The following HTR1E variants were observed in gnomAD, a reference collection of about 807,000 sequenced individuals.
HTR1E encodes 5-hydroxytryptamine receptor 1E.
HTR1E carries 3 observed loss-of-function variants against 3.4 expected under a neutral mutation model. The observed-to-expected ratio is 0.89, with a 90% CI of 0.41 to 2.31. The LOEUF is 2.31. Ranked by LOEUF, HTR1E falls within the 30% of genes most tolerant of loss-of-function variation. The probability of loss-of-function intolerance (pLI) is 0.05; values close to 1 mark genes in which losing one functional copy is unlikely to be tolerated. For synonymous variants in HTR1E, 170 were observed against 182.8 expected, an observed-to-expected ratio of 0.93 and a Z score of 0.56; for missense variants, 392 against 467.0, an observed-to-expected ratio of 0.84 and a Z score of 1.48.
At chr6:86,957,821 C>A (rs796365778) in intron 1 of HTR1E, among the ~76,000 whole-genome samples, 16 of 152,236 alleles carry the variant, frequency 1.1e-4, no homozygotes, top group African/African-American at 3.9e-4. Flanking sequence ...ATATCGAGAT[C>A]TCATGTGCAT....
At chr6:86,964,610 C>T (rs1767450805) in intron 1 of HTR1E, among the ~76,000 whole-genome samples, 1 of 152,172 alleles carries the variant, frequency 6.6e-6, no homozygotes, top group African/African-American at 2.4e-5. Context: ...CTCTTTATAA[C>T]AGTAAAGTTG....
chr6:86,986,419 T>C (rs1767788534), intron 1 of HTR1E, among the ~76,000 whole-genome samples: 1 of 152,200 alleles, frequency 6.6e-6, no homozygotes, highest in African/African-American at 2.4e-5. Flanking sequence ...TGAAATTAGA[T>C]TTCACGAAGA....
intron 1 of HTR1E, among the ~76,000 whole-genome samples, chr6:86,969,390 G>T (rs201784170): frequency 6.6e-6 from 1 of 151,946 alleles, no homozygotes; most frequent in East Asian, 1.9e-4. Flanking sequence ...CTGCCCTCCT[G>T]ATAAAGTTCA....
chr6:86,976,167 G>A (rs1029908409), intron 1 of HTR1E, among the ~76,000 whole-genome samples: 6 of 152,064 alleles, frequency 3.9e-5, no homozygotes, highest in Admixed American at 1.3e-4. Context: ...GGAGAGGGAT[G>A]AGTAAATAAG....
At chr6:86,963,385 T>C (rs1767434052) in intron 1 of HTR1E, among the ~76,000 whole-genome samples, 1 of 152,200 alleles carries the variant, frequency 6.6e-6, no homozygotes, top group Non-Finnish European at 1.5e-5. Flanking sequence ...TAAAAAAATT[T>C]AAATACTTAT....
At chr6:87,011,518 G>A (rs1221682540) in intron 1 of HTR1E, among the ~76,000 whole-genome samples, 1 of 152,160 alleles carries the variant, frequency 6.6e-6, no homozygotes, top group East Asian at 1.9e-4. Context: ...TGGTTGAGAC[G>A]TTATATAATA....
chr6:86,955,770 G>T lies in HTR1E; in HGVS notation c.-186+17947G>T, dbSNP rs1479852707. Among the ~76,000 whole-genome samples, 4 of 152,046 alleles carry T rather than the reference G, an allele frequency of 2.6e-5. No homozygotes were observed. The East Asian group carries it at 7.7e-4, about 29-fold the overall frequency. On this transcript the variant is annotated intron_variant, in intron 1 of 1. Coordinates refer to ENST00000305344, the MANE Select transcript of HTR1E (RefSeq NM_000865.3). ...TATGTATGTGTGTTCCAAAGGAAAC[G>T]TATTTTAAAATGAAATACATTTTAA... is the stretch of plus-strand genomic sequence containing the variant.
chr6:86,946,868 G>A (rs906158848), intron 1 of HTR1E, among the ~76,000 whole-genome samples: 1 of 152,136 alleles, frequency 6.6e-6, no homozygotes, highest in African/African-American at 2.4e-5. Flanking sequence ...TGTAATCCCA[G>A]TACTTTGGGA....
rs115354328 is a variant in HTR1E, at chr6:87,001,153, T to C, written c.-185-13997T>C. Among the ~76,000 whole-genome samples, 341 of 151,508 alleles carry C rather than the reference T, an allele frequency of 2.3e-3. 5 individuals carry two copies. The highest frequency in any genetic ancestry group is 8.0e-3 in the African/African-American group (329 of 41,240). ...TGGTAACCAAAAATCAAAAAATATA[T>C]AACAAAGACACAAAAAAGAAAACAC... On this transcript the variant is annotated intron_variant, in intron 1 of 1. Transcript: ENST00000305344.
intron 1 of HTR1E, among the ~76,000 whole-genome samples, chr6:86,999,129 TTTTTTA>T (rs891066543): frequency 6.6e-6 from 1 of 152,052 alleles, no homozygotes; most frequent in African/African-American, 2.4e-5. Flanking sequence ...CAGGCTAATT[TTTTTTA>T]TTTTTAAGTA....
At chr6:86,971,509 A>G (rs1582266477) in intron 1 of HTR1E, among the ~76,000 whole-genome samples, 2 of 152,248 alleles carry the variant, frequency 1.3e-5, no homozygotes, top group East Asian at 1.9e-4. Context: ...AATTGTGGAT[A>G]ATCAAAAGTC....
intron 1 of HTR1E, among the ~76,000 whole-genome samples, chr6:87,012,668 A>AC (rs766700202): frequency 6.6e-6 from 1 of 152,232 alleles, no homozygotes; most frequent in East Asian, 1.9e-4. Context: ...TGCAAAAATC[A>AC]CTGGGAAAAT....
At chr6:86,964,110 A>G (rs1037088745) in intron 1 of HTR1E, among the ~76,000 whole-genome samples, 1 of 152,202 alleles carries the variant, frequency 6.6e-6, no homozygotes, top group Admixed American at 6.5e-5. Context: ...GAGCAACGGT[A>G]TGCTAGGGAA....
chr6:86,945,072 C>T (rs1007851932), intron 1 of HTR1E, among the ~76,000 whole-genome samples: 1 of 151,854 alleles, frequency 6.6e-6, no homozygotes, highest in Non-Finnish European at 1.5e-5. Context: ...CAGGCAGGTC[C>T]TTCAGAAGGT....
intron 1 of HTR1E, among the ~76,000 whole-genome samples, chr6:86,949,221 C>G (rs1767182646): frequency 6.6e-6 from 1 of 152,206 alleles, no homozygotes. Flanking sequence ...CCCCAGTCAG[C>G]TTCCCTACCT....
intron 1 of HTR1E, among the ~76,000 whole-genome samples, chr6:86,977,498 G>A (rs1767654532): frequency 6.6e-6 from 1 of 152,098 alleles, no homozygotes; most frequent in Non-Finnish European, 1.5e-5. Context: ...GAACATATGA[G>A]TGCATGCATC....
chr6:86,986,364 C>A (rs1385857941), intron 1 of HTR1E, among the ~76,000 whole-genome samples: 1 of 152,146 alleles, frequency 6.6e-6, no homozygotes, highest in Non-Finnish European at 1.5e-5. Flanking sequence ...AATTCATACT[C>A]ATGGTGTTTG....
chr6:86,997,325 G>C (rs1196282365), intron 1 of HTR1E, among the ~76,000 whole-genome samples: 1 of 151,692 alleles, frequency 6.6e-6, no homozygotes, highest in East Asian at 1.9e-4. Context: ...ATTCAACATA[G>C]TACTGGTAGA....
intron 1 of HTR1E, among the ~76,000 whole-genome samples, chr6:86,958,186 G>T (rs1767352475): frequency 6.6e-6 from 1 of 151,484 alleles, no homozygotes; most frequent in Non-Finnish European, 1.5e-5. Flanking sequence ...AGCCTCCCAA[G>T]TAACTGGGAC....
Sources: gnomAD v4.1 joint callset for allele counts (sites outside exome capture counted in the v4.1 genomes callset) on GRCh38, gnomAD v4.1.1 for gene constraint, MANE v1.5 for transcripts, NCBI Gene and HGNC (gene_info 2026-07-23, HGNC 2026-07-21) for gene names.